The following CNTN5 variants were observed in gnomAD, a reference collection of about 807,000 sequenced individuals.
The protein encoded by CNTN5 is contactin-5.
A neutral mutation model predicts 129.1 loss-of-function variants in CNTN5; 77 were observed. The observed-to-expected ratio is 0.60, with a 90% CI of 0.50 to 0.72. CNTN5 has a LOEUF of 0.72. CNTN5 is among the 30% of genes least tolerant of loss of function. The probability of loss-of-function intolerance (pLI) is 0.00; values close to 1 mark genes in which losing one functional copy is unlikely to be tolerated. For synonymous variants in CNTN5, 509 were observed against 465.6 expected (o/e 1.09, Z -1.20); for missense variants, 1,478 against 1,328.8 (o/e 1.11, Z -1.75).
At chr11:99,336,420 T>G in intron 2 of CNTN5, among the ~76,000 whole-genome samples, 1 of 152,316 alleles carries the variant, frequency 6.6e-6, no homozygotes, top group South Asian at 2.1e-4. Context: ...ACTATTACTG[T>G]GAAATAGTAA....
intron 1 of CNTN5, among the ~76,000 whole-genome samples, chr11:99,056,068 T>G (rs1864612274): frequency 6.6e-6 from 1 of 151,996 alleles, no homozygotes; most frequent in South Asian, 2.1e-4. Flanking sequence ...GTAACATGGA[T>G]ATGGGCGGCT....
In CNTN5 at chr11:99,666,306, T is replaced by G. The variant is rs559048877; in HGVS notation, c.55+110037T>G. Among the ~76,000 whole-genome samples the G allele has an allele frequency of 9.9e-5, 15 of 152,244 alleles. No homozygotes were observed. The South Asian group carries it at 3.1e-3, about 32-fold the overall frequency. ...TTAACTTAAAAAGTTATTTTCCCAG[T>G]CTACAACAGAAAGTGAATTGGAGAT... On this transcript the variant is annotated intron_variant, in intron 3 of 24. Transcript: ENST00000524871.
At chr11:100,316,048 G>A (rs1258046418) in intron 21 of CNTN5, among the ~76,000 whole-genome samples, 1 of 152,186 alleles carries the variant, frequency 6.6e-6, no homozygotes, top group Non-Finnish European at 1.5e-5. Flanking sequence ...GAACCCACCA[G>A]CATTAAGTGT....
At chr11:100,063,368 T>C (rs1943560208) in intron 10 of CNTN5, among the ~76,000 whole-genome samples, 1 of 150,962 alleles carries the variant, frequency 6.6e-6, no homozygotes, top group South Asian at 2.1e-4. Context: ...AAAGCGTGCA[T>C]CACTTTGAAT....
chr11:99,443,127 T>C (rs1157241393), intron 2 of CNTN5, among the ~76,000 whole-genome samples: 1 of 152,158 alleles, frequency 6.6e-6, no homozygotes, highest in East Asian at 1.9e-4. Flanking sequence ...CAGACAAAGA[T>C]ACTGGATAGA....
intron 1 of CNTN5, among the ~76,000 whole-genome samples, chr11:99,039,885 A>C (rs1223497945): frequency 6.6e-6 from 1 of 152,158 alleles, no homozygotes; most frequent in African/African-American, 2.4e-5. Context: ...AGAGGTTTTT[A>C]CACTTTAAAA....
intron 3 of CNTN5, among the ~76,000 whole-genome samples, chr11:99,661,071 G>A (rs910393808): frequency 6.6e-6 from 1 of 152,030 alleles, no homozygotes; most frequent in African/African-American, 2.4e-5. Flanking sequence ...TATATGTCCA[G>A]CTCAATTCTA....
intron 2 of CNTN5, among the ~76,000 whole-genome samples, chr11:99,425,187 G>A (rs961638182): frequency 1.3e-5 from 2 of 152,254 alleles, no homozygotes; most frequent in South Asian, 4.1e-4. Flanking sequence ...TTGGTCCATG[G>A]GTGGCCATAG....
intron 24 of CNTN5, among the ~76,000 whole-genome samples, chr11:100,352,317 G>A (rs1308707190): frequency 6.6e-6 from 1 of 151,482 alleles, no homozygotes; most frequent in African/African-American, 2.4e-5. Context: ...GATAAGATTT[G>A]CATACCTGTA....
At position 99,819,676 on chromosome 11, in the gene CNTN5, G is replaced by C. The variant is rs765510767; in HGVS notation, c.188G>C (p.Ser63Thr). ...AGCAGCCCTTCATTAGGAACACTGA[G>C]TGCTTCTTCACCCAGCTGGCTAGGG... is the stretch of plus-strand genomic sequence containing the variant. ...RYSSPSLGTL[S>T]ASSPSWLGAA... The change falls in exon 4 of 25, where the codon AGT (serine) becomes ACT (threonine). Residue 63 changes from serine to threonine, a missense_variant. By Grantham distance (58) the Ser-to-Thr change is moderately conservative (BLOSUM62 1). Transcript: ENST00000524871. 7 of 1,612,972 alleles carry C rather than the reference G, an allele frequency of 4.3e-6. No individual in the cohort carries two copies. Among genetic ancestry groups the C allele is most frequent in the Non-Finnish European group, 5.9e-6 (7 of 1,179,830 alleles).
intron 6 of CNTN5, among the ~76,000 whole-genome samples, chr11:99,886,730 G>A (rs1948910778): frequency 6.6e-6 from 1 of 152,142 alleles, no homozygotes; most frequent in Non-Finnish European, 1.5e-5. Context: ...AATGAAATAT[G>A]TTAATATGTT....
intron 1 of CNTN5, among the ~76,000 whole-genome samples, chr11:99,116,510 C>T (rs981568562): frequency 6.6e-6 from 1 of 152,090 alleles, no homozygotes. Flanking sequence ...TTCCTATTCT[C>T]AGGTTGCACG....
intron 20 of CNTN5, among the ~76,000 whole-genome samples, chr11:100,302,088 G>A (rs1243757764): frequency 6.6e-6 from 1 of 151,432 alleles, no homozygotes; most frequent in African/African-American, 2.4e-5. Flanking sequence ...AACATTCTTT[G>A]TAACAATTGT....
chr11:99,701,627 T>C (rs1349662899), intron 3 of CNTN5, among the ~76,000 whole-genome samples: 2 of 151,144 alleles, frequency 1.3e-5, no homozygotes, highest in Non-Finnish European at 3.0e-5. Context: ...GAAGTCATAG[T>C]TCCTATATAT....
At chr11:100,278,425 G>T (rs184078859) in intron 18 of CNTN5, among the ~76,000 whole-genome samples, 1 of 151,860 alleles carries the variant, frequency 6.6e-6, no homozygotes, top group Non-Finnish European at 1.5e-5. Context: ...TAACAATATT[G>T]TTTCTTACAA....
chr11:99,194,669 G>C (rs768799366), intron 1 of CNTN5, among the ~76,000 whole-genome samples: 1 of 151,958 alleles, frequency 6.6e-6, no homozygotes, highest in Non-Finnish European at 1.5e-5. Context: ...GCAGTGGCCC[G>C]ATCTCGGCTC....
At chr11:100,057,589 C>T (rs1943288508) in intron 9 of CNTN5, among the ~76,000 whole-genome samples, 1 of 151,792 alleles carries the variant, frequency 6.6e-6, no homozygotes, top group Non-Finnish European at 1.5e-5. Flanking sequence ...AACAAAATTC[C>T]ACTGCCCTAA....
At chr11:99,444,667 C>T (rs907746758) in intron 2 of CNTN5, among the ~76,000 whole-genome samples, 53 of 152,052 alleles carry the variant, frequency 3.5e-4, no homozygotes, top group African/African-American at 1.3e-3. Context: ...TGAATAAATA[C>T]TTCAAAAGTT....
At chr11:99,384,738 CT>C (rs1253919027) in intron 2 of CNTN5, among the ~76,000 whole-genome samples, 10 of 152,088 alleles carry the variant, frequency 6.6e-5, no homozygotes, top group African/African-American at 2.2e-4. Flanking sequence ...TTCCCCTTTA[CT>C]ATATGTTTGC....
Sources: gnomAD v4.1 joint callset for allele counts (sites outside exome capture counted in the v4.1 genomes callset) on GRCh38, gnomAD v4.1.1 for gene constraint, MANE v1.5 for transcripts, NCBI Gene and HGNC (gene_info 2026-07-23, HGNC 2026-07-21) for gene names.